ISX: variants seen among roughly 807,000 people sequenced by gnomAD.
The protein encoded by ISX is intestine specific homeobox, also known as intestine-specific homeobox.
A neutral mutation model predicts 16.9 loss-of-function variants in ISX; 15 were observed. That is an observed-to-expected ratio of 0.89 (90% CI 0.59 to 1.36). The LOEUF is 1.36. ISX is among the 40% of genes most tolerant of loss of function. The probability of loss-of-function intolerance (pLI) is 0.00; values close to 1 mark genes in which losing one functional copy is unlikely to be tolerated. For missense variants in ISX, 316 were observed against 306.1 expected, an observed-to-expected ratio of 1.03 and a Z score of -0.24; for synonymous variants, 125 against 119.7, an observed-to-expected ratio of 1.04 and a Z score of -0.29.
At chr22:35,082,865 C>T (rs725266) in intron 3 of ISX, among the ~76,000 whole-genome samples, 196 bp downstream of exon 3, 111,150 of 152,108 alleles carry the variant, frequency 0.73, 41,631 homozygotes, top group African/African-American at 0.86. Context: ...TTCTCTCCTC[C>T]GGGAATGGAA....
chr22:35,084,865 T>G (rs1929210844), intron 4 of ISX, among the ~76,000 whole-genome samples: 1 of 151,866 alleles, frequency 6.6e-6, no homozygotes. Flanking sequence ...GCCTGAGGAG[T>G]GGCTTGGAAG....
intron 2 of ISX, among the ~76,000 whole-genome samples, chr22:35,067,886 C>T (rs1462473173): frequency 6.6e-6 from 1 of 152,206 alleles, no homozygotes; most frequent in Non-Finnish European, 1.5e-5. Context: ...AGTCTGTCCA[C>T]CCTGATCACC....
At chr22:35,072,711 A>C (rs1928887109) in intron 2 of ISX, among the ~76,000 whole-genome samples, 1 of 152,220 alleles carries the variant, frequency 6.6e-6, no homozygotes, top group Non-Finnish European at 1.5e-5. Flanking sequence ...CCAGACAGGC[A>C]ACAAATAGCC....
At chr22:35,084,726 G>A (rs1019616156) in intron 4 of ISX, among the ~76,000 whole-genome samples, 2 of 134,084 alleles carry the variant, frequency 1.5e-5, no homozygotes, top group African/African-American at 5.3e-5. Context: ...GAACATCATG[G>A]TGCCTGTCCT....
chr22:35,079,700 G>A (rs528744934), intron 2 of ISX, among the ~76,000 whole-genome samples: 1 of 152,298 alleles, frequency 6.6e-6, no homozygotes, highest in African/African-American at 2.4e-5. Context: ...AAAAAATCAG[G>A]AGAGGCAAGG....
In ISX at chr22:35,067,187, G is replaced by A. The variant is rs748050213; in HGVS notation, c.100G>A (p.Glu34Lys). Residue 34 changes from glutamate to lysine, a missense_variant, in exon 2 of 5, where the codon GAG becomes AAG. Physicochemically the swap from Glu to Lys is moderately conservative, Grantham distance 56 (BLOSUM62 1). Transcript: ENST00000404699. ...PKKLSLSFSI[E>K]AILKRPARRS... The stretch of plus-strand genomic sequence containing the variant: ...GAAGCTGAGCCTGTCCTTCTCCATT[G>A]AGGCGATCCTAAAGAGGCCTGCCAG... 61 of 1,612,518 alleles carry A rather than the reference G, an allele frequency of 3.8e-5. No individual in the cohort carries two copies. Among genetic ancestry groups the A allele is most frequent in the East Asian group, 6.7e-5 (3 of 44,800 alleles).
At chr22:35,074,480 T>G (rs879699740) in intron 2 of ISX, among the ~76,000 whole-genome samples, 2 of 152,218 alleles carry the variant, frequency 1.3e-5, no homozygotes, top group East Asian at 3.8e-4. Flanking sequence ...TCTTTATCAG[T>G]AGTGTGTTGC....
chr22:35,071,606 AATG>A (rs939123284), intron 2 of ISX, among the ~76,000 whole-genome samples: 24 of 152,206 alleles, frequency 1.6e-4, no homozygotes, highest in African/African-American at 5.5e-4. Context: ...CTAAATCAGC[AATG>A]ATCTTATGCC....
chr22:35,073,846 G>A (rs1928916019), intron 2 of ISX, among the ~76,000 whole-genome samples: 1 of 152,216 alleles, frequency 6.6e-6, no homozygotes, highest in Non-Finnish European at 1.5e-5. Context: ...TTTTTGCTTT[G>A]TATTCCTAGG....
At chr22:35,069,642 G>A (rs1001072915) in intron 2 of ISX, among the ~76,000 whole-genome samples, 11 of 152,144 alleles carry the variant, frequency 7.2e-5, no homozygotes, top group African/African-American at 2.2e-4. Context: ...CAGAGAGACT[G>A]GAAGGCCTCT....
At chr22:35,074,249 C>G (rs1928925268) in intron 2 of ISX, among the ~76,000 whole-genome samples, 1 of 152,192 alleles carries the variant, frequency 6.6e-6, no homozygotes, top group African/African-American at 2.4e-5. Context: ...GGAGGGACAC[C>G]CATTGGCCGA....
At position 35,086,005 on chromosome 22, in the gene ISX, G is replaced by A. The variant is rs1328733545; in HGVS notation, c.*312G>A. The A allele has an allele frequency of 9.8e-6, 4 of 406,842 alleles. No individual in the cohort carries two copies. The highest frequency in any genetic ancestry group is 1.8e-5 in the Non-Finnish European group (4 of 216,960). 25.2% of individuals were successfully genotyped at this position (406,842 alleles called of 1,614,324 possible). On this transcript the variant is annotated 3_prime_UTR_variant, in exon 5 of 5. Transcript: ENST00000404699. ...ACCTGTGTTTCCTCTAACTTGCTGT[G>A]TGACCTCCAGCCGGTCACTCACCCT...
intron 2 of ISX, among the ~76,000 whole-genome samples, chr22:35,076,468 C>T (rs760258074): frequency 5.9e-5 from 9 of 152,150 alleles, no homozygotes; most frequent in African/African-American, 1.2e-4. Flanking sequence ...ATGAGGCCAG[C>T]GCAGGTGGGC....
At chr22:35,084,605 A>G in intron 4 of ISX, 106 bp downstream of exon 4, 1 of 664,134 alleles carries the variant, frequency 1.5e-6, no homozygotes, top group South Asian at 2.1e-5. Context: ...TCTACAGGAA[A>G]AAGTGCAAGG....
rs796420373 is a variant in ISX, at chr22:35,070,589, G to A, written c.229+3273G>A. Among the ~76,000 whole-genome samples the A allele has an allele frequency of 1.6e-4, 24 of 152,320 alleles. 1 individual carries two copies. Among genetic ancestry groups the A allele is most frequent in the African/African-American group, 4.8e-4 (20 of 41,574 alleles). On this transcript the variant is annotated intron_variant, in intron 2 of 4. Transcript: ENST00000404699. ...GTGGGGAACCCAGGTATCTTCCCTT[G>A]CCTGCTCACCATCTATTCATTCAGT...
At position 35,066,898 on chromosome 22, in the gene ISX, C is replaced by A; in HGVS notation, c.-190C>A. On this transcript the variant is annotated 5_prime_UTR_variant, in exon 2 of 5. Coordinates refer to ENST00000404699, the MANE Select transcript of ISX (RefSeq NM_001303508.2). ...CGTGGGCACAGGATACCACTCCTTC[C>A]AGCTCTTCTGCTGTGACCTGCCCAT... 3.4e-6 allele frequency: 2 copies of A among 582,286 alleles called. No homozygotes were observed. Among genetic ancestry groups the A allele is most frequent in the South Asian group, 2.1e-5 (1 of 47,272 alleles). The allele number at this position is 582,286 out of a possible 1,614,324, so 36.1% of individuals were successfully genotyped here. A position where few individuals can be genotyped will look rare whatever the true frequency, so the allele number is the denominator to read the frequency against.
chr22:35,069,190 T>C (rs1313379930), intron 2 of ISX, among the ~76,000 whole-genome samples: 1 of 152,236 alleles, frequency 6.6e-6, no homozygotes, highest in Non-Finnish European at 1.5e-5. Context: ...AAGGTATTAT[T>C]TTAAAATACA....
At chr22:35,084,017 T>A (rs1929185139) in intron 3 of ISX, among the ~76,000 whole-genome samples, 3 of 152,256 alleles carry the variant, frequency 2.0e-5, no homozygotes, top group Admixed American at 1.3e-4. Context: ...TATAAATCAA[T>A]ATTCCACTTT....
At chr22:35,076,146 A>G (rs1457741344) in intron 2 of ISX, among the ~76,000 whole-genome samples, 1 of 152,200 alleles carries the variant, frequency 6.6e-6, no homozygotes, top group African/African-American at 2.4e-5. Flanking sequence ...GATTCACAAC[A>G]GACCTCATAA....
Sources: gnomAD v4.1 joint callset for allele counts (sites outside exome capture counted in the v4.1 genomes callset) on GRCh38, gnomAD v4.1.1 for gene constraint, MANE v1.5 for transcripts, NCBI Gene and HGNC (gene_info 2026-07-23, HGNC 2026-07-21) for gene names.